The following CHRNA2 variants were observed in gnomAD, a reference collection of about 807,000 sequenced individuals.
CHRNA2 encodes the protein neuronal acetylcholine receptor subunit alpha-2.
A neutral mutation model predicts 45.5 loss-of-function variants in CHRNA2; 40 were observed. That is an observed-to-expected ratio of 0.88 (90% confidence interval 0.68 to 1.15). CHRNA2 has a LOEUF of 1.15. CHRNA2 is among the 50% of genes most tolerant of loss of function. The pLI is 0.00. For missense variants in CHRNA2, 655 were observed against 701.7 expected, an observed-to-expected ratio of 0.93 and a Z score of 0.75; for synonymous variants, 301 against 296.7, an observed-to-expected ratio of 1.01 and a Z score of -0.15.
At chr8:27,475,467 A>T (rs552267262) in intron 1 of CHRNA2, 1 of 152,528 alleles carries the variant, frequency 6.6e-6, no homozygotes, top group African/African-American at 2.4e-5. Context: ...AGACATTATG[A>T]TTCCTTTTAT....
chr8:27,476,946 A>AC (rs1813077384), intron 1 of CHRNA2, among the ~76,000 whole-genome samples: 1 of 151,378 alleles, frequency 6.6e-6, no homozygotes, highest in Non-Finnish European at 1.5e-5. Flanking sequence ...GCCTCACGTG[A>AC]CCCCTAGGAG....
chr8:27,469,760 C>A lies in CHRNA2; in HGVS notation c.294+1G>T. On this transcript the variant is annotated splice_donor_variant, in intron 3 of 6. Transcript: ENST00000407991. LOFTEE classifies it high-confidence loss of function. ...GGCCAGCGGTGGGAAGACAGGCGCA[C>A]CACATCGATGAGCTGAGCGATGGAC... 1 of 1,614,150 alleles carries A rather than the reference C, an allele frequency of 6.2e-7. No homozygotes were observed. Among genetic ancestry groups the A allele is most frequent in the Non-Finnish European group, 8.5e-7 (1 of 1,180,022 alleles).
chr8:27,463,811 A>T lies in CHRNA2; in HGVS notation c.632T>A (p.Ile211Asn). Residue 211 changes from isoleucine to asparagine, a missense_variant, in exon 6 of 7, where the codon ATC becomes AAC. Ile to Asn is a moderately radical substitution (Grantham distance 149, BLOSUM62 -3). Coordinates refer to ENST00000407991, the MANE Select transcript of CHRNA2 (RefSeq NM_000742.4). This position sits in a 1 kb window ranked among gnomAD's most constrained non-coding sequence, Gnocchi z 6.1. The part of the protein sequence containing the change: ...FGSWTYDKAK[I>N]DLEQMEQTVD... ...AGTCTGCTCCATCTGCTCCAGGTCG[A>T]TCTTGGCCTTGTCATAAGTCCAGGA... is the stretch of plus-strand genomic sequence containing the variant. The T allele has an allele frequency of 6.2e-7, 1 of 1,614,194 alleles. No individual in the cohort carries two copies. The highest frequency in any genetic ancestry group is 8.5e-7 in the Non-Finnish European group (1 of 1,180,032).
At chr8:27,478,125 G>A (rs1355784955) in intron 1 of CHRNA2, among the ~76,000 whole-genome samples, 1 of 152,126 alleles carries the variant, frequency 6.6e-6, no homozygotes, top group African/African-American at 2.4e-5. Context: ...CCTTTCTGCT[G>A]TCCAGAACCT....
intron 1 of CHRNA2, among the ~76,000 whole-genome samples, chr8:27,471,939 C>G (rs1812896038): frequency 6.6e-6 from 1 of 152,162 alleles, no homozygotes; most frequent in Non-Finnish European, 1.5e-5. Context: ...CCCCACCCCT[C>G]AAACCTCCAG....
chr8:27,463,612 C>T lies in CHRNA2; in HGVS notation c.831G>A (p.Leu277=). The change falls in exon 6 of 7, where the codon CTG becomes CTA. Residue 277 remains leucine (L), a synonymous_variant. Transcript: ENST00000407991. This position sits in a 1 kb window ranked among gnomAD's most constrained non-coding sequence, Gnocchi z 6.1. ...FYTINLIIPC[L]LISCLTVLVF... ...CCAGCACAGTGAGGCAGGAGATGAGCAGGCAGGGGATGATGAGGTTGATGG... is the reference window on the plus strand; with the variant it reads ...CCAGCACAGTGAGGCAGGAGATGAGTAGGCAGGGGATGATGAGGTTGATGG... 1 of 1,614,100 alleles carries T rather than the reference C, an allele frequency of 6.2e-7. No homozygotes were observed. The highest frequency in any genetic ancestry group is 8.5e-7 in the Non-Finnish European group (1 of 1,180,030).
intron 1 of CHRNA2, chr8:27,475,148 C>A (rs2132679854): frequency 6.6e-6 from 1 of 152,314 alleles, no homozygotes; most frequent in South Asian, 2.1e-4. Flanking sequence ...AATTTTCAAG[C>A]AGGCAGCAAT....
At position 27,469,965 on chromosome 8, in the gene CHRNA2, C is replaced by T. The variant is rs773501890; in HGVS notation, c.90G>A (p.Lys30=). The change falls in exon 3 of 7, where the codon AAG becomes AAA. Residue 30 remains lysine, a synonymous_variant. Coordinates refer to ENST00000407991, the MANE Select transcript of CHRNA2 (RefSeq NM_000742.4). The part of the protein sequence containing the change: ...LLTPAGGEEA[K]RPPPRAPGDP... ...CTCCAGGAGCCCTGGGAGGTGGGCGCTTAGCTTCCTCTCCACCTGCCATCA... is the reference window on the plus strand; with the variant it reads ...CTCCAGGAGCCCTGGGAGGTGGGCGTTTAGCTTCCTCTCCACCTGCCATCA... 3.1e-6 allele frequency: 5 copies of T among 1,613,502 alleles called. 1 individual carries two copies. In the South Asian group the frequency reaches 4.4e-5, roughly 14 times the overall value.
intron 5 of CHRNA2, among the ~76,000 whole-genome samples, chr8:27,464,552 G>T (rs1370579229): frequency 6.6e-6 from 1 of 152,080 alleles, no homozygotes. Flanking sequence ...GTGTGGCCAG[G>T]TGCTTGCTGC....
chr8:27,468,709 T>G (rs1190029984), intron 4 of CHRNA2, among the ~76,000 whole-genome samples: 2 of 152,096 alleles, frequency 1.3e-5, no homozygotes, highest in African/African-American at 4.8e-5. Flanking sequence ...GACAGATGTG[T>G]GAATTAAGCT....
At chr8:27,465,587 C>T (rs1168434208) in intron 5 of CHRNA2, among the ~76,000 whole-genome samples, 2 of 152,062 alleles carry the variant, frequency 1.3e-5, no homozygotes, top group African/African-American at 4.8e-5. Context: ...GCCACCACCA[C>T]ACCCGGCTAA....
Position 27,470,049 on chromosome 8 carries a change from T to G in CHRNA2, c.74-68A>C, listed in dbSNP as rs181503115. 3.9e-4 allele frequency: 537 copies of G among 1,382,666 alleles called. 3 individuals carry two copies. In the African/African-American group the frequency reaches 6.8e-3, roughly 18 times the overall value. The allele number at this position is 1,382,666 out of a possible 1,614,324, so 85.6% of individuals were successfully genotyped here. On this transcript the variant is annotated intron_variant, in intron 2 of 6. Transcript: ENST00000407991. ...TTGCTCATCTGTAAAATGGAGATGCTTATCCAGAACCTATCTCAAAACATT... is the reference window on the plus strand; with the variant it reads ...TTGCTCATCTGTAAAATGGAGATGCGTATCCAGAACCTATCTCAAAACATT...
At chr8:27,464,831 G>A (rs1479069744) in intron 5 of CHRNA2, among the ~76,000 whole-genome samples, 1 of 152,126 alleles carries the variant, frequency 6.6e-6, no homozygotes, top group Non-Finnish European at 1.5e-5. Flanking sequence ...TACCAGAGCT[G>A]TGCAGAAGAG....
intron 2 of CHRNA2, 86 bp from the exon 3 acceptor site, chr8:27,470,067 A>C: frequency 1.1e-5 from 14 of 1,252,508 alleles, no homozygotes; most frequent in Admixed American, 2.0e-5. Context: ...AACCTATCTC[A>C]AAACATTGTT....
rs2132650909 is a variant in CHRNA2 at position 27,463,180 on chromosome 8, G to A, written c.1263C>T (p.Asp421=). ...EEREVVVEEE[D]RWACAGHVAP... Reference sequence around the variant, plus strand: ...CCACATGACCTGCACATGCCCATCTGTCCTCCTCCTCCACCACCACCTCCC... The same window carrying A: ...CCACATGACCTGCACATGCCCATCTATCCTCCTCCTCCACCACCACCTCCC... Residue 421 remains aspartate (D), a synonymous_variant, in exon 6 of 7, where the codon GAC becomes GAT. Coordinates refer to ENST00000407991, the MANE Select transcript of CHRNA2 (RefSeq NM_000742.4). The surrounding 1 kb of genome is among the most constrained non-coding windows in gnomAD (Gnocchi z 6.1). The A allele has an allele frequency of 2.5e-6, 4 of 1,594,170 alleles. No homozygotes were observed. Among genetic ancestry groups the A allele is most frequent in the Non-Finnish European group, 3.4e-6 (4 of 1,166,922 alleles).
intron 2 of CHRNA2, among the ~76,000 whole-genome samples, chr8:27,470,373 T>TA (rs1269896813): frequency 2.0e-5 from 3 of 152,216 alleles, no homozygotes; most frequent in African/African-American, 7.2e-5. Flanking sequence ...CTGGCCAGGG[T>TA]AAGCAGTCTC....
Position 27,467,274 on chromosome 8 carries a change from A to C in CHRNA2, c.404T>G (p.Val135Gly), listed in dbSNP as rs1563321069. The change falls in exon 5 of 7, where the codon GTC becomes GGC. Residue 135 changes from valine (V) to glycine (G), a missense_variant. Val to Gly is a moderately radical substitution (Grantham distance 109). This residue lies in a region of CHRNA2 where 323 missense variants were observed against 354.4 expected (regional missense o/e 0.91). Coordinates refer to ENST00000407991, the MANE Select transcript of CHRNA2 (RefSeq NM_000742.4). ...TDFGNITSLRVPSEMIWIPDI... is the reference protein window; with the variant it reads ...TDFGNITSLRGPSEMIWIPDI... ...GGGGATCCAGATCATCTCAGAAGGG[A>C]CCCTGAGAGATGTGATGTTGCCAAA... 3 of 1,613,972 alleles carry C rather than the reference A, an allele frequency of 1.9e-6. No individual in the cohort carries two copies. Among genetic ancestry groups the C allele is most frequent in the African/African-American group, 2.7e-5 (2 of 75,016 alleles).
intron 1 of CHRNA2, among the ~76,000 whole-genome samples, chr8:27,476,236 A>G (rs1813057306): frequency 1.3e-5 from 2 of 152,214 alleles, no homozygotes; most frequent in South Asian, 2.1e-4. Flanking sequence ...GCTTGAGTAG[A>G]GAAGAACCAA....
In CHRNA2 at chr8:27,471,104, G is replaced by C. The variant is rs568386814; in HGVS notation, c.-46C>G. On this transcript the variant is annotated 5_prime_UTR_variant, in exon 2 of 7. Coordinates refer to ENST00000407991, the MANE Select transcript of CHRNA2 (RefSeq NM_000742.4). ...AGGTCAGGTCAGGGCTTTGCTGTGG[G>C]TTGCACCATGGACCATGTCCCCAGC... The C allele has an allele frequency of 1.3e-6, 2 of 1,558,534 alleles. No homozygotes were observed. Among genetic ancestry groups the C allele is most frequent in the South Asian group, 2.2e-5 (2 of 89,640 alleles).
Sources: allele counts gnomAD v4.1 joint callset (sites outside exome capture counted in the v4.1 genomes callset), GRCh38; gene constraint gnomAD v4.1.1; regional missense constraint gnomAD v4.1.1; non-coding constraint Gnocchi (gnomAD v3.1); transcripts MANE v1.5; gene names NCBI Gene and HGNC (gene_info 2026-07-23, HGNC 2026-07-21).